NGLY1: variants seen among roughly 807,000 people sequenced by gnomAD.
The protein encoded by NGLY1 is N-glycanase 1, also known as peptide-N(4)-(N-acetyl-beta-glucosaminyl)asparagine amidase.
In NGLY1, 68 loss-of-function variants were observed where a neutral mutation model predicts 84.6. The observed-to-expected ratio is 0.80, with a 90% CI of 0.66 to 0.98. The LOEUF (loss-of-function observed/expected upper bound fraction) is 0.98, where lower values mean the gene tolerates loss of function less well. Among genes scored for constraint, NGLY1 ranks in the 50% least tolerant of loss-of-function variants. NGLY1 has a pLI of 0.00. For missense variants in NGLY1, 779 were observed against 770.2 expected (o/e 1.01, Z -0.14); for synonymous variants, 280 against 275.2 (o/e 1.02, Z -0.17).
intron 4 of NGLY1, among the ~76,000 whole-genome samples, chr3:25,745,979 G>C (rs780737694): frequency 6.6e-6 from 1 of 151,970 alleles, no homozygotes; most frequent in Non-Finnish European, 1.5e-5. Flanking sequence ...GAATTTCTTT[G>C]GTCTTTACTA....
At chr3:25,776,859 T>A (rs1486627773) in intron 2 of NGLY1, among the ~76,000 whole-genome samples, 1 of 152,220 alleles carries the variant, frequency 6.6e-6, no homozygotes, top group African/African-American at 2.4e-5. Flanking sequence ...AACAAATCTT[T>A]ATTGAGTACC....
intron 10 of NGLY1, among the ~76,000 whole-genome samples, chr3:25,727,421 C>G (rs1204965966): frequency 6.6e-6 from 1 of 152,108 alleles, no homozygotes; most frequent in African/African-American, 2.4e-5. Flanking sequence ...TGAAATACGC[C>G]ACGTACTCCA....
intron 2 of NGLY1, among the ~76,000 whole-genome samples, chr3:25,769,913 A>G (rs1297925510): frequency 6.6e-6 from 1 of 152,134 alleles, no homozygotes; most frequent in East Asian, 1.9e-4. Flanking sequence ...CTAAAAGTAT[A>G]GTCTTTTATC....
At chr3:25,765,784 T>C (rs1392844004) in intron 2 of NGLY1, among the ~76,000 whole-genome samples, 1 of 152,210 alleles carries the variant, frequency 6.6e-6, no homozygotes, top group Admixed American at 6.5e-5. Context: ...TCACCCAGGC[T>C]GGAGTGCAGT....
At chr3:25,746,581 C>G (rs1188029612) in intron 4 of NGLY1, among the ~76,000 whole-genome samples, 1 of 152,178 alleles carries the variant, frequency 6.6e-6, no homozygotes, top group Non-Finnish European at 1.5e-5. Context: ...GACTTTAAGT[C>G]TTAGCTAATA....
chr3:25,752,046 C>T (rs998633360), intron 3 of NGLY1, among the ~76,000 whole-genome samples: 2 of 152,128 alleles, frequency 1.3e-5, no homozygotes, highest in Non-Finnish European at 2.9e-5. Context: ...GGCAGGACCT[C>T]TCAAATACAT....
chr3:25,780,609 A>G (rs907605479), intron 1 of NGLY1, among the ~76,000 whole-genome samples: 2 of 152,086 alleles, frequency 1.3e-5, no homozygotes, highest in Non-Finnish European at 2.9e-5. Flanking sequence ...AATACACATC[A>G]GTTCTCATAT....
chr3:25,731,757 T>C (rs1480450928), intron 9 of NGLY1, among the ~76,000 whole-genome samples: 3 of 152,130 alleles, frequency 2.0e-5, no homozygotes, highest in Admixed American at 6.6e-5. Context: ...GAACATACCA[T>C]ACACGTTGCA....
intron 10 of NGLY1, among the ~76,000 whole-genome samples, chr3:25,721,674 G>A (rs1471885546): frequency 1.4e-5 from 2 of 141,220 alleles, no homozygotes; most frequent in African/African-American, 2.6e-5. Context: ...GTGTGAACCC[G>A]GGGGGCGGAG....
chr3:25,783,362 G>C lies in NGLY1; in HGVS notation c.29C>G (p.Ser10Ter). MAAAALGSS[S>*]GSASPAVAEL... ...AGCCACGGCCGGGGACGCCGAGCCTGAGGAGCTGCCCAATGCCGCCGCCGC... is the reference window on the plus strand; with the variant it reads ...AGCCACGGCCGGGGACGCCGAGCCTCAGGAGCTGCCCAATGCCGCCGCCGC... The change falls in exon 1 of 12, where the codon TCA becomes TGA. Residue 10 changes from serine to a stop codon, truncating the protein, a stop_gained. Coordinates refer to ENST00000280700, the MANE Select transcript of NGLY1 (RefSeq NM_018297.4). LOFTEE classifies it high-confidence loss of function. The surrounding 1 kb of genome is among the most constrained non-coding windows in gnomAD (Gnocchi z 4.5). 1.3e-6 allele frequency: 2 copies of C among 1,561,022 alleles called. No homozygotes were observed. Among genetic ancestry groups the C allele is most frequent in the East Asian group, 2.4e-5 (1 of 41,206 alleles).
At chr3:25,788,294 T>C (rs1575674495), upstream of NGLY1, among the ~76,000 whole-genome samples, 1 of 152,182 alleles carries the variant, frequency 6.6e-6, no homozygotes, top group Non-Finnish European at 1.5e-5. Flanking sequence ...TAATAGAGAA[T>C]GGGAGCCATA....
At chr3:25,748,564 C>A (rs969338180) in intron 4 of NGLY1, among the ~76,000 whole-genome samples, 4 of 152,184 alleles carry the variant, frequency 2.6e-5, no homozygotes, top group Non-Finnish European at 4.4e-5. Flanking sequence ...TCATTTATTT[C>A]TAAAAATTAT....
At chr3:25,770,496 T>C (rs1305427224) in intron 2 of NGLY1, among the ~76,000 whole-genome samples, 1 of 152,200 alleles carries the variant, frequency 6.6e-6, no homozygotes, top group African/African-American at 2.4e-5. Context: ...TGATTCCATA[T>C]TTTTGCAATT....
chr3:25,719,066 CTAATT>C lies in NGLY1; in HGVS notation c.*389_*393del, dbSNP rs372672237. On this transcript the variant is annotated 3_prime_UTR_variant, in exon 12 of 12. Transcript: ENST00000280700. ...CATTAATTAAAAATATTAGGAGACT[CTAATT>C]TAACCACTTCTGAAGAAATGAATGG... 3.9e-3 allele frequency: 597 copies of C among 154,078 alleles called. 2 individuals are homozygous for C. Among genetic ancestry groups the C allele is most frequent in the African/African-American group, 0.013 (554 of 41,624 alleles). 9.5% of individuals were successfully genotyped at this position (154,078 alleles called of 1,614,324 possible). A position where few individuals can be genotyped will look rare whatever the true frequency, so the allele number is the denominator to read the frequency against.
At chr3:25,789,289 ATTTTT>A (rs958178205) in intron 1 of NGLY1, among the ~76,000 whole-genome samples, 1 of 151,450 alleles carries the variant, frequency 6.6e-6, no homozygotes, top group Non-Finnish European at 1.5e-5. Context: ...TCTGGTGATA[ATTTTT>A]TTTTAAGTGA....
chr3:25,768,669 C>T (rs930956065), intron 2 of NGLY1, among the ~76,000 whole-genome samples: 15 of 150,188 alleles, frequency 1.0e-4, no homozygotes, highest in Middle Eastern at 3.2e-3. Flanking sequence ...CCTCAGCCTC[C>T]CAAGTAGCTG....
chr3:25,736,309 C>G, intron 6 of NGLY1, 160 bp from the exon 7 acceptor site: 3 of 1,551,136 alleles, frequency 1.9e-6, no homozygotes, highest in Non-Finnish European at 2.6e-6. Context: ...TTTAGAATAC[C>G]TGTATTAATT....
intron 4 of NGLY1, among the ~76,000 whole-genome samples, chr3:25,741,208 C>T (rs1706122113): frequency 6.8e-6 from 1 of 147,650 alleles, no homozygotes; most frequent in Non-Finnish European, 1.5e-5. Context: ...AAATAGCCAA[C>T]ACAACTTTGA....
At chr3:25,768,045 G>A (rs890883451) in intron 2 of NGLY1, among the ~76,000 whole-genome samples, 13 of 149,076 alleles carry the variant, frequency 8.7e-5, no homozygotes, top group Admixed American at 6.8e-4. Flanking sequence ...CCCCAGAGGC[G>A]GTGGTTGCAG....
Sources: gnomAD v4.1 joint callset for allele counts (sites outside exome capture counted in the v4.1 genomes callset) on GRCh38, gnomAD v4.1.1 for gene constraint, Gnocchi (gnomAD v3.1) non-coding constraint, MANE v1.5 for transcripts, NCBI Gene and HGNC (gene_info 2026-07-23, HGNC 2026-07-21) for gene names.